BRWD1: variants seen among roughly 807,000 people sequenced by gnomAD.
BRWD1 encodes bromodomain and WD repeat domain containing 1.
Under a neutral mutation model 251.2 loss-of-function variants are expected in BRWD1, and 82 were observed. That is an observed-to-expected ratio of 0.33 (90% CI 0.27 to 0.39). The LOEUF is 0.39. Ranked by LOEUF, BRWD1 falls within the 10% of genes least tolerant of loss-of-function variation. The pLI is 1.00. For synonymous variants in BRWD1, 918 were observed against 902.8 expected, an observed-to-expected ratio of 1.02 and a Z score of -0.30; for missense variants, 2,233 against 2,711.6, an observed-to-expected ratio of 0.82 and a Z score of 3.92.
chr21:39,255,778 G>A lies in BRWD1; in HGVS notation c.2122C>T (p.Arg708Cys), dbSNP rs2034544486. The A allele has an allele frequency of 6.2e-7, 1 of 1,614,118 alleles. No individual in the cohort carries two copies. Among genetic ancestry groups the A allele is most frequent in the Non-Finnish European group, 8.5e-7 (1 of 1,179,994 alleles). The change falls in exon 19 of 41, where the codon CGT becomes TGT. Residue 708 changes from arginine to cysteine, a missense_variant. By Grantham distance (180) the Arg-to-Cys change is radical. Transcript: ENST00000342449. ...DIQSPPNIGL[R>C]RSGQVEGVRQ... Reference sequence around the variant, plus strand: ...ACACCTTCAACTTGTCCACTACGACGCAGACCAATATTTGGAGGGGACTGA... The same window carrying A: ...ACACCTTCAACTTGTCCACTACGACACAGACCAATATTTGGAGGGGACTGA...
chr21:39,262,801 G>A (rs2034797628), intron 17 of BRWD1, among the ~76,000 whole-genome samples: 1 of 152,210 alleles, frequency 6.6e-6, no homozygotes, highest in Non-Finnish European at 1.5e-5. Context: ...GGGACTGGGA[G>A]AAAGGAGAGG....
At chr21:39,265,340 G>A (rs567684409) in intron 15 of BRWD1, among the ~76,000 whole-genome samples, 5 of 152,118 alleles carry the variant, frequency 3.3e-5, no homozygotes, top group Non-Finnish European at 5.9e-5. Context: ...CACGAGAATC[G>A]TTTGAACCGG....
intron 4 of BRWD1, among the ~76,000 whole-genome samples, chr21:39,309,243 A>T (rs559423782): frequency 8.2e-4 from 125 of 151,684 alleles, no homozygotes; most frequent in Non-Finnish European, 1.4e-3. Context: ...TGGGAGGAGC[A>T]TTTGAGACCA....
chr21:39,187,246 A>T lies in BRWD1; in HGVS notation c.*9013T>A. 1 of 1,613,750 alleles carries T rather than the reference A, an allele frequency of 6.2e-7. No individual in the cohort carries two copies. The highest frequency in any genetic ancestry group is 1.1e-5 in the South Asian group (1 of 90,996). ...TTCTGGTCCTGAGATCGTTTCTTTTAGATTACTCATTATCTTTATTTTATT... is the reference window on the plus strand; with the variant it reads ...TTCTGGTCCTGAGATCGTTTCTTTTTGATTACTCATTATCTTTATTTTATT... On this transcript the variant is annotated 3_prime_UTR_variant, in exon 41 of 41. Coordinates refer to ENST00000342449, the MANE Select transcript of BRWD1 (RefSeq NM_033656.4).
At chr21:39,216,760 G>T in intron 31 of BRWD1, 2 of 390,998 alleles carry the variant, frequency 5.1e-6, no homozygotes, top group Non-Finnish European at 9.9e-6. Flanking sequence ...GAGACCACCT[G>T]TTCAGACCAT....
chr21:39,185,294 C>CAAAAAAAAAAAAAAA (rs2031152435), downstream of BRWD1: 1 of 9,846 alleles, frequency 1.0e-4, no homozygotes, highest in Non-Finnish European at 2.0e-4. Flanking sequence ...ACTGAAATTG[C>CAAAAAAAAAAAAAAA]TAAAAAAAAA....
rs540780909 is a variant in BRWD1, at chr21:39,188,883, G to A, written c.*7376C>T. The A allele has an allele frequency of 2.0e-6, 2 of 985,384 alleles. No homozygotes were observed. Among genetic ancestry groups the A allele is most frequent in the East Asian group, 2.3e-4 (2 of 8,812 alleles). The allele number at this position is 985,384 out of a possible 1,614,324, so 61.0% of individuals were successfully genotyped here. On this transcript the variant is annotated 3_prime_UTR_variant, in exon 41 of 41. Transcript: ENST00000342449. ...TGTTTTGTTCAGTGTTCAGTCTCCA[G>A]GCATTGTAAATGGCATTTTACCAGA...
chr21:39,294,472 G>T (rs7278301), intron 7 of BRWD1, among the ~76,000 whole-genome samples: 2,097 of 86,978 alleles, frequency 0.024, 47 homozygotes, highest in African/African-American at 0.091. Context: ...CCTGGCTAAG[G>T]CAGTGAAACC....
intron 37 of BRWD1, 26 bp downstream of exon 37, chr21:39,206,082 A>C: frequency 6.3e-7 from 1 of 1,580,954 alleles, no homozygotes; most frequent in Non-Finnish European, 8.6e-7. Flanking sequence ...TAAATAAATA[A>C]AGCAAGCTTG....
chr21:39,290,213 G>A (rs2035767763), intron 8 of BRWD1, among the ~76,000 whole-genome samples: 1 of 151,904 alleles, frequency 6.6e-6, no homozygotes, highest in Non-Finnish European at 1.5e-5. Context: ...ACTGAGGTTG[G>A]GCGAGGTGGC....
chr21:39,313,838 T>G (rs1601526806), upstream of BRWD1: 1 of 325,034 alleles, frequency 3.1e-6, no homozygotes, highest in Non-Finnish European at 5.8e-6. Context: ...CAGCAGCGAG[T>G]GGGGGAGGGG....
At chr21:39,314,176 G>C (rs2036637377), upstream of BRWD1, 2 of 455,848 alleles carry the variant, frequency 4.4e-6, no homozygotes, top group Admixed American at 2.4e-5. Context: ...GTGAGGATTG[G>C]CTCGCCGCGC....
intron 18 of BRWD1, among the ~76,000 whole-genome samples, chr21:39,257,407 AG>A (rs1228825057): frequency 1.3e-5 from 2 of 152,218 alleles, no homozygotes; most frequent in Admixed American, 6.5e-5. Context: ...GGAAATAATT[AG>A]ACAAATCTAA....
chr21:39,269,225 T>C (rs182829260), intron 15 of BRWD1, among the ~76,000 whole-genome samples: 1 of 151,014 alleles, frequency 6.6e-6, no homozygotes, highest in Admixed American at 6.6e-5. Context: ...CATTTGGTTC[T>C]AGAATATACA....
intron 36 of BRWD1, among the ~76,000 whole-genome samples, chr21:39,206,916 A>G (rs1365139439): frequency 1.3e-5 from 2 of 152,370 alleles, no homozygotes; most frequent in South Asian, 2.1e-4. Flanking sequence ...TTTCCTGAAA[A>G]TAAGTGCAAA....
intron 34 of BRWD1, 143 bp downstream of exon 34, chr21:39,212,523 T>C: frequency 1.5e-6 from 1 of 647,162 alleles, no homozygotes; most frequent in Non-Finnish European, 2.7e-6. Flanking sequence ...CACTAAATCT[T>C]TCCAGTAATT....
At chr21:39,266,644 T>C (rs1214469964) in intron 15 of BRWD1, among the ~76,000 whole-genome samples, 1 of 152,216 alleles carries the variant, frequency 6.6e-6, no homozygotes, top group East Asian at 1.9e-4. Flanking sequence ...GGACTTGGGG[T>C]TTCACTTGTA....
intron 11 of BRWD1, 77 bp downstream of exon 11, chr21:39,277,174 C>A: frequency 1.1e-6 from 1 of 920,234 alleles, no homozygotes; most frequent in South Asian, 2.4e-5. Context: ...AAAGTAGAGC[C>A]AATAACAATG....
chr21:39,196,396 A>T lies in BRWD1; in HGVS notation c.6673T>A (p.Tyr2225Asn). The change falls in exon 41 of 41, where the codon TAT becomes AAT. Residue 2225 changes from tyrosine to asparagine, a missense_variant. This residue lies in a region of BRWD1 where 928 missense variants were observed against 970.0 expected (regional missense o/e 0.96). Transcript: ENST00000342449. ...VDDNDWEDLDYAKSKRVLRRS... is the reference protein window; with the variant it reads ...VDDNDWEDLDNAKSKRVLRRS... ...CGAAGAACTCTTTTAGATTTTGCAT[A>T]GTCCAAATCCTCCCAGTCATTATCA... The T allele has an allele frequency of 6.2e-7, 1 of 1,613,798 alleles. No homozygotes were observed. Among genetic ancestry groups the T allele is most frequent in the Non-Finnish European group, 8.5e-7 (1 of 1,179,764 alleles).
Sources: allele counts gnomAD v4.1 joint callset (sites outside exome capture counted in the v4.1 genomes callset), GRCh38; gene constraint gnomAD v4.1.1; regional missense constraint gnomAD v4.1.1; transcripts MANE v1.5; gene names NCBI Gene and HGNC (gene_info 2026-07-23, HGNC 2026-07-21).